GRIA4: variants seen among roughly 807,000 people sequenced by gnomAD.
GRIA4 encodes glutamate receptor 4.
Under a neutral mutation model 104.0 loss-of-function variants are expected in GRIA4, and 34 were observed. The observed-to-expected ratio is 0.33, with a 90% CI of 0.25 to 0.44. The LOEUF is 0.44. Among genes scored for constraint, GRIA4 ranks in the 20% least tolerant of loss-of-function variants. The pLI is 1.00. For synonymous variants in GRIA4, 386 were observed against 381.9 expected (o/e 1.01, Z -0.13); for missense variants, 750 against 1,096.5 (o/e 0.68, Z 4.46).
intron 3 of GRIA4, among the ~76,000 whole-genome samples, chr11:105,740,425 C>A (rs183111124): frequency 6.6e-6 from 1 of 152,314 alleles, no homozygotes; most frequent in East Asian, 1.9e-4. Context: ...TTTCTTATTT[C>A]TTTTGCCATA....
At chr11:105,975,726 G>A (rs1858947660) in intron 16 of GRIA4, among the ~76,000 whole-genome samples, 1 of 152,000 alleles carries the variant, frequency 6.6e-6, no homozygotes, top group African/African-American at 2.4e-5. Flanking sequence ...TCAGTAAGAT[G>A]TACATCTGAG....
At chr11:105,851,277 G>GA (rs1032385520) in intron 4 of GRIA4, among the ~76,000 whole-genome samples, 2 of 151,812 alleles carry the variant, frequency 1.3e-5, no homozygotes, top group African/African-American at 2.4e-5. Flanking sequence ...TCCTTTGTGT[G>GA]AAAAAAATAG....
chr11:105,828,293 A>G (rs1355028323), intron 4 of GRIA4, among the ~76,000 whole-genome samples: 1 of 152,014 alleles, frequency 6.6e-6, no homozygotes, highest in African/African-American at 2.4e-5. Flanking sequence ...TATTCTGTAT[A>G]AAAGCTGCTG....
chr11:105,611,106 G>T, intron 2 of GRIA4, 21 bp downstream of exon 2: 1 of 1,548,132 alleles, frequency 6.5e-7, no homozygotes, highest in Non-Finnish European at 8.9e-7. Flanking sequence ...CTCCGATGGG[G>T]TGTGCATGTG....
intron 4 of GRIA4, among the ~76,000 whole-genome samples, chr11:105,835,886 A>C (rs1473051157): frequency 1.3e-5 from 2 of 152,078 alleles, no homozygotes; most frequent in Non-Finnish European, 2.9e-5. Context: ...AAATAAGACA[A>C]TAATTAATTG....
intron 3 of GRIA4, among the ~76,000 whole-genome samples, chr11:105,711,292 G>A (rs2135549004): frequency 6.6e-6 from 1 of 152,008 alleles, no homozygotes; most frequent in Non-Finnish European, 1.5e-5. Context: ...GGGGGAGAGG[G>A]GAGGGATAGC....
At chr11:105,765,499 A>G (rs564966363) in intron 4 of GRIA4, among the ~76,000 whole-genome samples, 1 of 152,344 alleles carries the variant, frequency 6.6e-6, no homozygotes, top group South Asian at 2.1e-4. Context: ...AGTTGAAGCA[A>G]ATGTGGAACG....
intron 4 of GRIA4, among the ~76,000 whole-genome samples, chr11:105,815,596 T>A (rs544587710): frequency 3.9e-5 from 6 of 152,194 alleles, no homozygotes; most frequent in Admixed American, 6.5e-5. Flanking sequence ...GCTCCAGCTG[T>A]TACTGCCGAA....
chr11:105,964,953 C>A (rs2136271423), intron 14 of GRIA4, among the ~76,000 whole-genome samples: 1 of 152,146 alleles, frequency 6.6e-6, no homozygotes, highest in Non-Finnish European at 1.5e-5. Flanking sequence ...ATTACAGGTG[C>A]CCACAACCAT....
intron 4 of GRIA4, among the ~76,000 whole-genome samples, chr11:105,811,909 T>G (rs1165406192): frequency 6.6e-6 from 1 of 152,156 alleles, no homozygotes; most frequent in Non-Finnish European, 1.5e-5. Context: ...CCAGCACCCT[T>G]GTGGTACCCA....
At chr11:105,612,191 T>G in intron 2 of GRIA4, 85 bp from the exon 3 acceptor site, 1 of 1,208,118 alleles carries the variant, frequency 8.3e-7, no homozygotes, top group Non-Finnish European at 1.2e-6. Flanking sequence ...TGCTTGTGAA[T>G]GGCAGTAGAT....
chr11:105,878,432 G>T (rs571709302), intron 5 of GRIA4, among the ~76,000 whole-genome samples: 1 of 152,316 alleles, frequency 6.6e-6, no homozygotes, highest in African/African-American at 2.4e-5. Context: ...CCTTAGCAGA[G>T]CTCAAGCACT....
chr11:105,974,858 C>T (rs934550259), intron 16 of GRIA4: 2 of 223,872 alleles, frequency 8.9e-6, no homozygotes, highest in African/African-American at 2.2e-5. Flanking sequence ...TAGATCTGGG[C>T]TTCCTTGCAC....
chr11:105,966,022 C>G, intron 14 of GRIA4: 3 of 1,613,384 alleles, frequency 1.9e-6, no homozygotes, highest in Non-Finnish European at 1.7e-6. Flanking sequence ...AATGGTGGTA[C>G]GACAAAGGAG....
At chr11:105,910,675 T>A in intron 10 of GRIA4, 130 bp downstream of exon 10, 1 of 591,960 alleles carries the variant, frequency 1.7e-6, no homozygotes, top group Non-Finnish European at 3.1e-6. Flanking sequence ...ATCCACAAAA[T>A]CCTATTGAGG....
chr11:105,761,834 A>G (rs1185370747), intron 4 of GRIA4, among the ~76,000 whole-genome samples: 4 of 152,048 alleles, frequency 2.6e-5, no homozygotes, highest in Non-Finnish European at 5.9e-5. Flanking sequence ...ATAGTTTTCA[A>G]TATGTGTACA....
At chr11:105,941,005 T>C (rs1382036432) in intron 14 of GRIA4, among the ~76,000 whole-genome samples, 1 of 152,158 alleles carries the variant, frequency 6.6e-6, no homozygotes, top group Admixed American at 6.6e-5. Context: ...CAAAATGAAA[T>C]AACATACATC....
intron 4 of GRIA4, among the ~76,000 whole-genome samples, chr11:105,787,171 C>A (rs747899234): frequency 3.3e-5 from 5 of 152,134 alleles, no homozygotes; most frequent in Non-Finnish European, 4.4e-5. Flanking sequence ...ATTCATTTTT[C>A]TGTGTATAAA....
chr11:105,918,228 GA>G (rs1947464263), intron 10 of GRIA4, among the ~76,000 whole-genome samples: 1 of 152,068 alleles, frequency 6.6e-6, no homozygotes. Context: ...AGAGATCAAA[GA>G]AAAATGACGT....
Sources: gnomAD v4.1 joint callset for allele counts (sites outside exome capture counted in the v4.1 genomes callset) on GRCh38, gnomAD v4.1.1 for gene constraint, MANE v1.5 for transcripts, NCBI Gene and HGNC (gene_info 2026-07-23, HGNC 2026-07-21) for gene names.